The following CACNA1B variants were observed in gnomAD, a reference collection of about 807,000 sequenced individuals.
The protein encoded by CACNA1B is voltage-dependent N-type calcium channel subunit alpha-1B.
A neutral mutation model predicts 247.2 loss-of-function variants in CACNA1B; 70 were observed. The ratio of observed to expected loss-of-function variants is 0.28; its 90% confidence interval spans 0.23 to 0.35. The LOEUF (loss-of-function observed/expected upper bound fraction) is 0.35, where lower values mean the gene tolerates loss of function less well. Among genes scored for constraint, CACNA1B ranks in the 10% least tolerant of loss-of-function variants. CACNA1B has a pLI of 1.00. For missense variants in CACNA1B, 2,367 were observed against 3,197.4 expected, an observed-to-expected ratio of 0.74 and a Z score of 6.26; for synonymous variants, 1,231 against 1,294.4, an observed-to-expected ratio of 0.95 and a Z score of 1.05.
intron 3 of CACNA1B, among the ~76,000 whole-genome samples, chr9:137,911,643 T>G (rs987446030): frequency 2.0e-5 from 3 of 152,210 alleles, no homozygotes; most frequent in African/African-American, 7.2e-5. Flanking sequence ...GGTCTCGAAC[T>G]CCTGACCTCA....
chr9:138,025,846 G>A (rs1318092904), intron 20 of CACNA1B, among the ~76,000 whole-genome samples: 1 of 152,190 alleles, frequency 6.6e-6, no homozygotes, highest in East Asian at 1.9e-4. Flanking sequence ...TGGTGGGGAA[G>A]GTGCATGGGC....
intron 3 of CACNA1B, among the ~76,000 whole-genome samples, chr9:137,898,619 C>A (rs915772496): frequency 2.6e-5 from 4 of 152,112 alleles, no homozygotes; most frequent in African/African-American, 9.7e-5. Context: ...AATCCTCCCA[C>A]CTCAGCCTCC....
At chr9:137,916,673 T>C (rs1957414822) in intron 5 of CACNA1B, among the ~76,000 whole-genome samples, 1 of 152,196 alleles carries the variant, frequency 6.6e-6, no homozygotes, top group Non-Finnish European at 1.5e-5. Context: ...TAGATCTGCG[T>C]GTCAGGAGGA....
intron 36 of CACNA1B, among the ~76,000 whole-genome samples, chr9:138,080,716 A>G (rs1307693718): frequency 6.6e-6 from 1 of 152,224 alleles, no homozygotes; most frequent in African/African-American, 2.4e-5. Flanking sequence ...ACAGGTTTTT[A>G]AAGAAGAGAC....
chr9:138,080,330 A>G (rs1420191419), intron 36 of CACNA1B, among the ~76,000 whole-genome samples: 1 of 152,186 alleles, frequency 6.6e-6, no homozygotes, highest in Non-Finnish European at 1.5e-5. Flanking sequence ...GGATGCAGGT[A>G]TTTGAAAAAG....
intron 6 of CACNA1B, among the ~76,000 whole-genome samples, chr9:137,920,343 C>T (rs974905208): frequency 1.4e-4 from 21 of 152,210 alleles, no homozygotes; most frequent in African/African-American, 4.1e-4. Context: ...ATTACAGGCA[C>T]GAGCCACCCC....
chr9:137,904,054 G>GT (rs1053237757), intron 3 of CACNA1B, among the ~76,000 whole-genome samples: 7 of 152,282 alleles, frequency 4.6e-5, no homozygotes, highest in African/African-American at 1.2e-4. Flanking sequence ...TTTCCTGCCA[G>GT]TTTTTTCCTT....
intron 6 of CACNA1B, among the ~76,000 whole-genome samples, chr9:137,921,660 C>T (rs1166963218): frequency 6.9e-6 from 1 of 145,694 alleles, no homozygotes; most frequent in African/African-American, 2.7e-5. Context: ...CACGACCGCA[C>T]AGCATCCTGG....
rs577699028 is a variant in CACNA1B, at chr9:137,894,533, C to T, written c.530+11650C>T. Among the ~76,000 whole-genome samples, 53 of 152,056 alleles carry T rather than the reference C, an allele frequency of 3.5e-4. No individual in the cohort carries two copies. The East Asian group carries it at 9.3e-3, about 27-fold the overall frequency. ...ACGCCATTCTCCTGCCTCAGCCTCC[C>T]GAGTAGCTGGGACTGCAGGCGCCCG... On this transcript the variant is annotated intron_variant, in intron 3 of 46. Coordinates refer to ENST00000371372, the MANE Select transcript of CACNA1B (RefSeq NM_000718.4).
At chr9:138,042,474 A>G (rs1959136882) in intron 20 of CACNA1B, among the ~76,000 whole-genome samples, 1 of 152,208 alleles carries the variant, frequency 6.6e-6, no homozygotes, top group South Asian at 2.1e-4. Context: ...CAAAAAAAAA[A>G]CTTGCAACAA....
intron 36 of CACNA1B, among the ~76,000 whole-genome samples, chr9:138,085,146 T>C (rs1238474721): frequency 6.6e-6 from 1 of 150,588 alleles, no homozygotes; most frequent in African/African-American, 2.5e-5. Flanking sequence ...ATTGACAATA[T>C]GAATGAAAAA....
rs1960894666 is a variant in CACNA1B, at chr9:138,091,961, G to C, written c.5095-4523G>C. On this transcript the variant is annotated intron_variant, in intron 36 of 46. Transcript: ENST00000371372. ...ATTGGTAGGTTCTGTGATGCCCCTT[G>C]AACTGCAAAACCAGCAAGTTTTTAT... Among the ~76,000 whole-genome samples the C allele has an allele frequency of 5.3e-5, 8 of 152,320 alleles. No homozygotes were observed. The South Asian group carries it at 1.7e-3, about 32-fold the overall frequency.
rs1013251838 is a variant in CACNA1B at position 138,003,943 on chromosome 9, G to A, written c.1975-2824G>A. On this transcript the variant is annotated intron_variant, in intron 15 of 46. Transcript: ENST00000371372. ...GGCCAGTGCTTTTAAGCCCTTTCAC[G>A]TTTATCAGATTGGGAACTGTCAAAG... 4.6e-5 allele frequency among the ~76,000 whole-genome samples: 7 copies of A among 152,080 alleles called. No homozygotes were observed. The East Asian group carries it at 5.8e-4, about 13-fold the overall frequency.
At position 138,054,225 on chromosome 9, in the gene CACNA1B, C is replaced by A. The variant is rs967455262; in HGVS notation, c.3968+219C>A. Among the ~76,000 whole-genome samples the A allele has an allele frequency of 1.3e-5, 2 of 152,216 alleles. No individual in the cohort carries two copies. The highest frequency in any genetic ancestry group is 2.4e-5 in the African/African-American group (1 of 41,452). On this transcript the variant is annotated intron_variant, in intron 26 of 46. Coordinates refer to ENST00000371372, the MANE Select transcript of CACNA1B (RefSeq NM_000718.4). The surrounding 1 kb of genome is among the most constrained non-coding windows in gnomAD (Gnocchi z 4.6). ...CCCCTCCCCAGCACCACACCAGGGA[C>A]CCCCAGCACTTCCTCCTCAGCAGAG... is the stretch of plus-strand genomic sequence containing the variant.
At chr9:138,079,742 CAAAAAAAAAAAA>C (rs141292393) in intron 36 of CACNA1B, among the ~76,000 whole-genome samples, 1 of 41,828 alleles carries the variant, frequency 2.4e-5, no homozygotes, top group South Asian at 1.1e-3. Context: ...GACTCCATCT[CAAAAAAAAAAAA>C]AAAAAAAAAA....
chr9:137,997,779 C>T (rs141534173), intron 15 of CACNA1B, among the ~76,000 whole-genome samples: 76 of 152,290 alleles, frequency 5.0e-4, no homozygotes, highest in African/African-American at 1.5e-3. Context: ...GGAATTGGCA[C>T]GAGCAGTTCC....
chr9:138,037,651 T>A (rs549015837), intron 20 of CACNA1B, among the ~76,000 whole-genome samples: 1 of 151,752 alleles, frequency 6.6e-6, no homozygotes, highest in Admixed American at 6.6e-5. Context: ...AGAGCGAGAC[T>A]CTGTCTCAAA....
At chr9:137,966,449 G>C (rs1261989530) in intron 10 of CACNA1B, among the ~76,000 whole-genome samples, 1 of 151,708 alleles carries the variant, frequency 6.6e-6, no homozygotes, top group Non-Finnish European at 1.5e-5. Flanking sequence ...GGATGGTCTC[G>C]ATCTCCTGAC....
chr9:138,064,582 G>A (rs546493176), intron 31 of CACNA1B, among the ~76,000 whole-genome samples: 4 of 152,352 alleles, frequency 2.6e-5, no homozygotes, highest in East Asian at 3.9e-4. Flanking sequence ...TGCCATGGCC[G>A]ATTAGCCGAA....
Sources: gnomAD v4.1 joint callset for allele counts (sites outside exome capture counted in the v4.1 genomes callset) on GRCh38, gnomAD v4.1.1 for gene constraint, Gnocchi (gnomAD v3.1) non-coding constraint, MANE v1.5 for transcripts, NCBI Gene and HGNC (gene_info 2026-07-23, HGNC 2026-07-21) for gene names.